The following PCDH9 variants were observed in gnomAD, a reference collection of about 807,000 sequenced individuals.
The protein encoded by PCDH9 is protocadherin 9.
Under a neutral mutation model 70.6 loss-of-function variants are expected in PCDH9, and 24 were observed. The ratio of observed to expected loss-of-function variants is 0.34; its 90% CI spans 0.25 to 0.48. The LOEUF is 0.48. PCDH9 is among the 20% of genes least tolerant of loss of function. PCDH9 has a pLI of 0.99. For synonymous variants in PCDH9, 562 were observed against 558.5 expected (o/e 1.01, Z -0.09); for missense variants, 1,281 against 1,503.6 (o/e 0.85, Z 2.45).
At chr13:66,451,135 G>A (rs1367556306) in intron 4 of PCDH9, among the ~76,000 whole-genome samples, 1 of 152,174 alleles carries the variant, frequency 6.6e-6, no homozygotes, top group African/African-American at 2.4e-5. Context: ...TTGTGCACAT[G>A]TACCCCAGAA....
intron 4 of PCDH9, among the ~76,000 whole-genome samples, chr13:66,514,206 A>C (rs1466600036): frequency 6.6e-6 from 1 of 152,140 alleles, no homozygotes; most frequent in Non-Finnish European, 1.5e-5. Context: ...ACTTAATCAA[A>C]GTTCCTAAAT....
At chr13:67,040,741 T>C (rs2085097767) in intron 2 of PCDH9, among the ~76,000 whole-genome samples, 1 of 152,192 alleles carries the variant, frequency 6.6e-6, no homozygotes, top group Non-Finnish European at 1.5e-5. Context: ...GTCAGGGATA[T>C]TAGAAACAAA....
intron 4 of PCDH9, among the ~76,000 whole-genome samples, chr13:66,559,951 C>T (rs1389834039): frequency 6.6e-6 from 1 of 151,614 alleles, no homozygotes; most frequent in African/African-American, 2.4e-5. Flanking sequence ...TTAACATACA[C>T]AGCTAATGAA....
intron 4 of PCDH9, among the ~76,000 whole-genome samples, chr13:66,588,192 C>G (rs2076988465): frequency 6.6e-6 from 1 of 151,900 alleles, no homozygotes; most frequent in African/African-American, 2.4e-5. Flanking sequence ...TCCTACATGC[C>G]ACTCTTGTTA....
At chr13:66,320,700 T>C (rs1955739410) in intron 4 of PCDH9, among the ~76,000 whole-genome samples, 1 of 151,922 alleles carries the variant, frequency 6.6e-6, no homozygotes, top group African/African-American at 2.4e-5. Flanking sequence ...TCTGTATCTA[T>C]ATGTATCTAC....
chr13:67,029,194 A>G (rs2084855088), intron 2 of PCDH9, among the ~76,000 whole-genome samples: 2 of 152,196 alleles, frequency 1.3e-5, no homozygotes, highest in Non-Finnish European at 2.9e-5. Context: ...CATCACAAAG[A>G]AAGAGCAGAA....
At chr13:67,121,308 T>C (rs1443205129) in intron 2 of PCDH9, among the ~76,000 whole-genome samples, 5 of 152,172 alleles carry the variant, frequency 3.3e-5, no homozygotes, top group South Asian at 2.1e-4. Context: ...ATCCAACTAT[T>C]TGCCCCACAA....
chr13:66,913,281 A>G (rs1323922), intron 2 of PCDH9, among the ~76,000 whole-genome samples: 20,409 of 151,978 alleles, frequency 0.13, 1,527 homozygotes, highest in African/African-American at 0.17. Context: ...AAAGGAGTGC[A>G]TAAGTTCTTT....
chr13:66,316,919 C>T (rs1245017518), intron 4 of PCDH9, among the ~76,000 whole-genome samples: 4 of 152,116 alleles, frequency 2.6e-5, no homozygotes, highest in African/African-American at 7.2e-5. Context: ...GATGGGGTTT[C>T]GCCATGTTGG....
intron 2 of PCDH9, among the ~76,000 whole-genome samples, chr13:67,158,833 A>G (rs2087879153): frequency 6.6e-6 from 1 of 152,194 alleles, no homozygotes; most frequent in South Asian, 2.1e-4. Context: ...TTTCTACCAC[A>G]ACTATCTAAT....
At chr13:67,039,090 T>C (rs2085062898) in intron 2 of PCDH9, among the ~76,000 whole-genome samples, 1 of 152,234 alleles carries the variant, frequency 6.6e-6, no homozygotes, top group Non-Finnish European at 1.5e-5. Flanking sequence ...AACTTCTGCA[T>C]TGGCAAATGC....
intron 2 of PCDH9, among the ~76,000 whole-genome samples, chr13:66,999,540 C>T (rs1312044702): frequency 6.6e-6 from 1 of 151,838 alleles, no homozygotes; most frequent in Non-Finnish European, 1.5e-5. Flanking sequence ...TCAGAGTGAA[C>T]AGGCAACCTA....
intron 2 of PCDH9, among the ~76,000 whole-genome samples, chr13:66,990,027 C>G (rs2083969885): frequency 6.6e-6 from 1 of 151,828 alleles, no homozygotes; most frequent in Non-Finnish European, 1.5e-5. Flanking sequence ...ATCATTAACT[C>G]TTTGTAACTA....
intron 3 of PCDH9, among the ~76,000 whole-genome samples, chr13:66,781,987 A>C (rs959168840): frequency 2.0e-5 from 3 of 152,268 alleles, no homozygotes; most frequent in Middle Eastern, 3.4e-3. Context: ...CATTAAAGAG[A>C]TAAGATGCTT....
chr13:66,551,090 A>G (rs1932888), intron 4 of PCDH9, among the ~76,000 whole-genome samples: 149,573 of 152,226 alleles, frequency 0.98, 73,536 homozygotes, highest in East Asian at 1. Context: ...TTAATTTCTC[A>G]TTTTCTAAGG....
chr13:66,732,025 A>G (rs2079086035), intron 3 of PCDH9, among the ~76,000 whole-genome samples: 1 of 152,008 alleles, frequency 6.6e-6, no homozygotes, highest in Non-Finnish European at 1.5e-5. Flanking sequence ...TAATTTTGAC[A>G]TGTATTTTCC....
chr13:66,324,631 C>T (rs1437612955), intron 4 of PCDH9, among the ~76,000 whole-genome samples: 1 of 151,978 alleles, frequency 6.6e-6, no homozygotes, highest in South Asian at 2.1e-4. Context: ...ATTGGCCATT[C>T]TATGTAATAA....
intron 4 of PCDH9, among the ~76,000 whole-genome samples, chr13:66,437,949 T>A (rs1957903919): frequency 6.6e-6 from 1 of 152,036 alleles, no homozygotes; most frequent in African/African-American, 2.4e-5. Flanking sequence ...TAAAAGTACT[T>A]AGGGCTGGGC....
intron 2 of PCDH9, among the ~76,000 whole-genome samples, chr13:67,104,824 C>T (rs2086504901): frequency 6.6e-6 from 1 of 152,320 alleles, no homozygotes; most frequent in Admixed American, 6.5e-5. Context: ...GCTGGGATTA[C>T]AGGCGCGAGC....
Sources: allele counts gnomAD v4.1 joint callset (sites outside exome capture counted in the v4.1 genomes callset), GRCh38; gene constraint gnomAD v4.1.1; transcripts MANE v1.5; gene names NCBI Gene and HGNC (gene_info 2026-07-23, HGNC 2026-07-21).